The following KCNB2 variants were observed in gnomAD, a reference collection of about 807,000 sequenced individuals.
KCNB2 encodes potassium voltage-gated channel subfamily B member 2, also known as delayed rectifier potassium channel protein.
A neutral mutation model predicts 61.5 loss-of-function variants in KCNB2; 15 were observed. That is an observed-to-expected ratio of 0.24 (90% CI 0.16 to 0.38). The LOEUF (loss-of-function observed/expected upper bound fraction) is 0.38, where lower values mean the gene tolerates loss of function less well. Ranked by LOEUF, KCNB2 falls within the 10% of genes least tolerant of loss-of-function variation. The pLI, the probability that KCNB2 is intolerant of heterozygous loss-of-function variation, is 1.00. For missense variants in KCNB2, 828 were observed against 1,125.2 expected (o/e 0.74, Z 3.78); for synonymous variants, 457 against 446.0 (o/e 1.02, Z -0.31).
In KCNB2 at chr8:72,863,584, T is replaced by C. The variant is rs527929402; in HGVS notation, c.580-72351T>C. 1.3e-4 allele frequency among the ~76,000 whole-genome samples: 20 copies of C among 152,364 alleles called. No individual in the cohort carries two copies. In the South Asian group the frequency reaches 4.1e-3, roughly 32 times the overall value. On this transcript the variant is annotated intron_variant, in intron 2 of 2. Coordinates refer to ENST00000523207, the MANE Select transcript of KCNB2 (RefSeq NM_004770.3). ...GCCTTCACCATTGTGTCATCATTAG[T>C]GGTCAGTGATCTAAGAGTTGGTGTC...
chr8:72,633,838 A>G (rs1805920305), intron 2 of KCNB2, among the ~76,000 whole-genome samples: 1 of 152,156 alleles, frequency 6.6e-6, no homozygotes. Flanking sequence ...GCATACATCA[A>G]CTGTGATATA....
At chr8:72,617,048 A>G (rs1316426920) in intron 2 of KCNB2, among the ~76,000 whole-genome samples, 4 of 152,196 alleles carry the variant, frequency 2.6e-5, no homozygotes, top group African/African-American at 7.2e-5. Context: ...TATGCAAGCC[A>G]GTTCCAAGTA....
chr8:72,688,626 T>C (rs1806892721), intron 2 of KCNB2, among the ~76,000 whole-genome samples: 1 of 152,192 alleles, frequency 6.6e-6, no homozygotes, highest in African/African-American at 2.4e-5. Flanking sequence ...GCAAGGTACT[T>C]AATAAATAAT....
chr8:72,746,098 A>T (rs1808059884), intron 2 of KCNB2, among the ~76,000 whole-genome samples: 1 of 152,178 alleles, frequency 6.6e-6, no homozygotes, highest in Non-Finnish European at 1.5e-5. Flanking sequence ...TGTTGCTTGA[A>T]TTTCATGGCA....
rs569374422 is a variant in KCNB2, at chr8:72,800,398, T to C, written c.580-135537T>C. On this transcript the variant is annotated intron_variant, in intron 2 of 2. Coordinates refer to ENST00000523207, the MANE Select transcript of KCNB2 (RefSeq NM_004770.3). Reference sequence around the variant, plus strand: ...CAGCGTTCAACACCTGACTCTTGACTATAGACCACTGTGTCTCTTGGCTAA... The same window carrying C: ...CAGCGTTCAACACCTGACTCTTGACCATAGACCACTGTGTCTCTTGGCTAA... 3.9e-5 allele frequency among the ~76,000 whole-genome samples: 6 copies of C among 152,306 alleles called. No homozygotes were observed. The South Asian group carries it at 1.2e-3, about 32-fold the overall frequency.
chr8:72,734,107 T>A (rs1279255974), intron 2 of KCNB2, among the ~76,000 whole-genome samples: 1 of 152,210 alleles, frequency 6.6e-6, no homozygotes, highest in Non-Finnish European at 1.5e-5. Context: ...AGTAATTAGA[T>A]ACTCCTTTAA....
chr8:72,760,139 T>C (rs1808353124), intron 2 of KCNB2, among the ~76,000 whole-genome samples: 1 of 152,228 alleles, frequency 6.6e-6, no homozygotes, highest in Non-Finnish European at 1.5e-5. Flanking sequence ...CAAGCCCAGA[T>C]GTCATGGAAA....
chr8:72,772,980 T>G (rs141212973), intron 2 of KCNB2, among the ~76,000 whole-genome samples: 45 of 152,262 alleles, frequency 3.0e-4, no homozygotes, highest in Non-Finnish European at 5.0e-4. Flanking sequence ...CATTAATGCT[T>G]AAAATGGCCA....
At chr8:72,858,485 T>A (rs1810242316) in intron 2 of KCNB2, among the ~76,000 whole-genome samples, 1 of 152,218 alleles carries the variant, frequency 6.6e-6, no homozygotes, top group African/African-American at 2.4e-5. Context: ...AATGTACAAC[T>A]TAGCCATTTT....
At chr8:72,691,560 G>A (rs540433344) in intron 2 of KCNB2, among the ~76,000 whole-genome samples, 2 of 152,248 alleles carry the variant, frequency 1.3e-5, no homozygotes, top group South Asian at 2.1e-4. Flanking sequence ...CACATGTTAA[G>A]TACACATTGC....
intron 2 of KCNB2, among the ~76,000 whole-genome samples, chr8:72,788,352 T>A (rs962833248): frequency 9.2e-5 from 14 of 152,130 alleles, no homozygotes; most frequent in African/African-American, 3.4e-4. Context: ...TGTCTTCTCA[T>A]TCTGTCCTCA....
chr8:72,701,655 A>G (rs1194548360), intron 2 of KCNB2, among the ~76,000 whole-genome samples: 2 of 152,208 alleles, frequency 1.3e-5, no homozygotes, highest in Admixed American at 1.3e-4. Context: ...TTAAGAAGTT[A>G]TCCTAAGGAA....
chr8:72,704,387 A>G (rs1210462724), intron 2 of KCNB2, among the ~76,000 whole-genome samples: 1 of 152,120 alleles, frequency 6.6e-6, no homozygotes, highest in Non-Finnish European at 1.5e-5. Context: ...CCCAAAATCA[A>G]CTATTAAGGG....
At chr8:72,811,565 A>G (rs576686295) in intron 2 of KCNB2, among the ~76,000 whole-genome samples, 7 of 152,264 alleles carry the variant, frequency 4.6e-5, no homozygotes, top group African/African-American at 1.4e-4. Context: ...ATTTCTATTA[A>G]TTGATGTCTT....
chr8:72,798,785 C>T (rs1809073692), intron 2 of KCNB2, among the ~76,000 whole-genome samples: 1 of 152,090 alleles, frequency 6.6e-6, no homozygotes, highest in South Asian at 2.1e-4. Context: ...TGTAGGTTTC[C>T]AGTGGATTAA....
intron 1 of KCNB2, among the ~76,000 whole-genome samples, chr8:72,558,191 T>C (rs1044346156): frequency 1.3e-5 from 2 of 152,250 alleles, no homozygotes; most frequent in African/African-American, 4.8e-5. Flanking sequence ...TAAGCCCTCA[T>C]GGCAACTTGT....
chr8:72,754,519 C>T (rs1451593282), intron 2 of KCNB2, among the ~76,000 whole-genome samples: 1 of 152,154 alleles, frequency 6.6e-6, no homozygotes. Context: ...GGAAGACCTA[C>T]CACCTCTCTG....
chr8:72,704,987 T>C (rs1254507334), intron 2 of KCNB2, among the ~76,000 whole-genome samples: 2 of 152,234 alleles, frequency 1.3e-5, no homozygotes, highest in Non-Finnish European at 2.9e-5. Flanking sequence ...CCTTGCTTTT[T>C]TCCCAAATAT....
At chr8:72,921,844 GC>G (rs1260295749) in intron 2 of KCNB2, among the ~76,000 whole-genome samples, 1 of 152,126 alleles carries the variant, frequency 6.6e-6, no homozygotes. Flanking sequence ...TGGTTTTCCT[GC>G]TGACTAAGGT....
Sources: gnomAD v4.1 joint callset for allele counts (sites outside exome capture counted in the v4.1 genomes callset) on GRCh38, gnomAD v4.1.1 for gene constraint, MANE v1.5 for transcripts, NCBI Gene and HGNC (gene_info 2026-07-23, HGNC 2026-07-21) for gene names.